The following NFIA variants were observed in gnomAD, a reference collection of about 807,000 sequenced individuals.
NFIA encodes nuclear factor 1 A-type.
In NFIA, 8 loss-of-function variants were observed where a neutral mutation model predicts 62.8. The ratio of observed to expected loss-of-function variants is 0.13; its 90% CI spans 0.07 to 0.23. The LOEUF (loss-of-function observed/expected upper bound fraction) is 0.23, where lower values mean the gene tolerates loss of function less well. Ranked by LOEUF, NFIA falls within the 10% of genes least tolerant of loss-of-function variation. The pLI is 1.00. For missense variants in NFIA, 410 were observed against 642.1 expected (o/e 0.64, Z 3.91); for synonymous variants, 235 against 238.1 (o/e 0.99, Z 0.12).
At chr1:61,407,684 G>T (rs1467047359) in intron 9 of NFIA, among the ~76,000 whole-genome samples, 1 of 152,152 alleles carries the variant, frequency 6.6e-6, no homozygotes, top group South Asian at 2.1e-4. Context: ...TGACCCTAAG[G>T]AAAGCCTTCA....
At chr1:61,376,721 T>G (rs2100473121) in intron 6 of NFIA, among the ~76,000 whole-genome samples, 1 of 152,286 alleles carries the variant, frequency 6.6e-6, no homozygotes, top group Admixed American at 6.5e-5. Flanking sequence ...AATAGGACAC[T>G]GTTTTTATAG....
chr1:61,408,301 G>A (rs1158279165), intron 9 of NFIA, among the ~76,000 whole-genome samples: 1 of 152,254 alleles, frequency 6.6e-6, no homozygotes, highest in Non-Finnish European at 1.5e-5. Context: ...TAGAAGCTCA[G>A]CTTAGAAGGA....
chr1:61,144,727 C>T (rs796437258), intron 2 of NFIA, among the ~76,000 whole-genome samples: 14 of 152,316 alleles, frequency 9.2e-5, no homozygotes, highest in African/African-American at 3.4e-4. Flanking sequence ...GTAACAATTG[C>T]TTTTCTCTCT....
intron 2 of NFIA, among the ~76,000 whole-genome samples, chr1:61,122,823 A>T (rs767920552): frequency 6.6e-6 from 1 of 152,110 alleles, no homozygotes; most frequent in Non-Finnish European, 1.5e-5. Flanking sequence ...GGTTTGTTTC[A>T]TAGGTAAATG....
intron 9 of NFIA, among the ~76,000 whole-genome samples, chr1:61,412,973 C>T (rs1666170845): frequency 6.6e-6 from 1 of 151,896 alleles, no homozygotes; most frequent in Non-Finnish European, 1.5e-5. Flanking sequence ...TGAAGATTGG[C>T]ATCATAATCT....
chr1:61,312,344 A>T (rs1042377745), intron 3 of NFIA, among the ~76,000 whole-genome samples: 1 of 152,194 alleles, frequency 6.6e-6, no homozygotes, highest in Non-Finnish European at 1.5e-5. Context: ...TCAGGTAAAA[A>T]CACAGATAAC....
chr1:61,135,179 T>C (rs1456118900), intron 2 of NFIA, among the ~76,000 whole-genome samples: 4 of 152,190 alleles, frequency 2.6e-5, no homozygotes, highest in African/African-American at 9.7e-5. Context: ...TTGTAAGACT[T>C]TAGATTTGGA....
At chr1:61,129,805 G>A (rs1053317769) in intron 2 of NFIA, among the ~76,000 whole-genome samples, 5 of 151,958 alleles carry the variant, frequency 3.3e-5, no homozygotes, top group African/African-American at 1.2e-4. Flanking sequence ...TTCACATTAG[G>A]GGCATTCTCC....
intron 2 of NFIA, among the ~76,000 whole-genome samples, chr1:61,124,102 A>C (rs1010575023): frequency 6.6e-6 from 1 of 152,206 alleles, no homozygotes; most frequent in African/African-American, 2.4e-5. Flanking sequence ...CATGTTTTGT[A>C]ATATAGGGAG....
intron 3 of NFIA, among the ~76,000 whole-genome samples, chr1:61,289,202 C>G (rs1399063087): frequency 6.6e-6 from 1 of 152,136 alleles, no homozygotes. Flanking sequence ...CTGGAAACAG[C>G]CTGGAGGAAG....
At chr1:61,159,150 A>T (rs887663195) in intron 2 of NFIA, among the ~76,000 whole-genome samples, 1 of 152,230 alleles carries the variant, frequency 6.6e-6, no homozygotes, top group African/African-American at 2.4e-5. Context: ...GAGACTAGTA[A>T]TAAAGGTAAT....
chr1:61,372,901 G>A (rs12075102), intron 6 of NFIA, among the ~76,000 whole-genome samples: 15 of 152,256 alleles, frequency 9.9e-5, no homozygotes, highest in Non-Finnish European at 1.9e-4. Context: ...GAATGGGCTA[G>A]AAGTTTTCTG....
chr1:61,430,538 A>T (rs1667057090), intron 10 of NFIA, among the ~76,000 whole-genome samples: 1 of 152,174 alleles, frequency 6.6e-6, no homozygotes, highest in Admixed American at 6.5e-5. Context: ...TTTCCATGTA[A>T]ATTGGAAAAA....
intron 2 of NFIA, among the ~76,000 whole-genome samples, chr1:61,141,406 C>T (rs1414207509): frequency 9.7e-6 from 1 of 102,968 alleles, no homozygotes; most frequent in African/African-American, 3.0e-5. Flanking sequence ...TGACTGGTCC[C>T]CTTTACTCAG....
At position 61,226,705 on chromosome 1, in the gene NFIA, A is replaced by T. The variant is rs558594254; in HGVS notation, c.560-50815A>T. Among the ~76,000 whole-genome samples, 11 of 152,316 alleles carry T rather than the reference A, an allele frequency of 7.2e-5. No homozygotes were observed. In the South Asian group the frequency reaches 1.2e-3, roughly 17 times the overall value. On this transcript the variant is annotated intron_variant, in intron 2 of 10. Coordinates refer to ENST00000403491, the MANE Select transcript of NFIA (RefSeq NM_001134673.4). Reference sequence around the variant, plus strand: ...GATTTTACATCAGACAGATATTATTAAAAAATTTTATTTAACACTCAGACA... The same window carrying T: ...GATTTTACATCAGACAGATATTATTTAAAAATTTTATTTAACACTCAGACA...
intron 3 of NFIA, among the ~76,000 whole-genome samples, chr1:61,322,240 T>C (rs1660713342): frequency 1.3e-5 from 2 of 152,220 alleles, no homozygotes; most frequent in Non-Finnish European, 2.9e-5. Context: ...TGTGACACGT[T>C]AGATTCAAAA....
chr1:61,263,975 G>A (rs1394684192), intron 2 of NFIA, among the ~76,000 whole-genome samples: 1 of 151,792 alleles, frequency 6.6e-6, no homozygotes, highest in African/African-American at 2.4e-5. Flanking sequence ...GGGTGGCAGA[G>A]TGAGACTCTG....
chr1:61,147,924 G>A (rs334708), intron 2 of NFIA, among the ~76,000 whole-genome samples: 125,532 of 152,056 alleles, frequency 0.83, 53,007 homozygotes, highest in Non-Finnish European at 0.92. Context: ...ATTATCCTAG[G>A]GGGTTGGCTA....
At chr1:61,210,507 G>A (rs372285094) in intron 2 of NFIA, among the ~76,000 whole-genome samples, 3 of 152,156 alleles carry the variant, frequency 2.0e-5, no homozygotes, top group South Asian at 4.1e-4. Flanking sequence ...ACAAATTTTC[G>A]TGGCATCTAT....
Sources: allele counts gnomAD v4.1 joint callset (sites outside exome capture counted in the v4.1 genomes callset), GRCh38; gene constraint gnomAD v4.1.1; transcripts MANE v1.5; gene names NCBI Gene and HGNC (gene_info 2026-07-23, HGNC 2026-07-21).